YPEL2: variants seen among roughly 807,000 people sequenced by gnomAD.
YPEL2 encodes the protein protein yippee-like 2.
Under a neutral mutation model 19.1 loss-of-function variants are expected in YPEL2, and 2 were observed. That is an observed-to-expected ratio of 0.10 (90% confidence interval 0.04 to 0.33). The LOEUF (loss-of-function observed/expected upper bound fraction) is 0.33. Among genes scored for constraint, YPEL2 ranks in the 10% least tolerant of loss-of-function variants. The pLI is 1.00. For synonymous variants in YPEL2, 52 were observed against 50.0 expected (o/e 1.04, Z -0.17); for missense variants, 66 against 140.7 (o/e 0.47, Z 2.68).
chr17:59,372,010 T>C (rs1487472454), intron 2 of YPEL2, among the ~76,000 whole-genome samples: 1 of 152,138 alleles, frequency 6.6e-6, no homozygotes, highest in African/African-American at 2.4e-5. Context: ...GCTATAGGAA[T>C]TATTACATTA....
rs141421641 is a variant in YPEL2, at chr17:59,388,862, G to C, written c.161+492G>C. On this transcript the variant is annotated intron_variant, in intron 3 of 4. Coordinates refer to ENST00000312655, the MANE Select transcript of YPEL2 (RefSeq NM_001005404.4). ...GAAGCCTACATAAGCCTGATAAACT[G>C]TAAAAATGAAAATCTGGCCTGTGGC... is the stretch of plus-strand genomic sequence containing the variant. The C allele has an allele frequency of 3.2e-4, 61 of 189,746 alleles. 2 individuals are homozygous for C. In the East Asian group the frequency reaches 7.9e-3, roughly 25 times the overall value. The allele number at this position is 189,746 out of a possible 1,614,324, so 11.8% of individuals were successfully genotyped here.
At chr17:59,361,233 A>G (rs948424584) in intron 2 of YPEL2, among the ~76,000 whole-genome samples, 2 of 152,210 alleles carry the variant, frequency 1.3e-5, no homozygotes, top group African/African-American at 4.8e-5. Flanking sequence ...GACTGTGCCT[A>G]TACTTGCTCT....
intron 2 of YPEL2, among the ~76,000 whole-genome samples, chr17:59,368,243 C>T (rs2047880357): frequency 6.6e-6 from 1 of 152,066 alleles, no homozygotes. Flanking sequence ...GCCACCATGT[C>T]CGGCTAATTT....
chr17:59,393,530 T>A lies in YPEL2; in HGVS notation c.271-3571T>A, dbSNP rs184316879. 1.3e-4 allele frequency among the ~76,000 whole-genome samples: 19 copies of A among 150,314 alleles called. No individual in the cohort carries two copies. In the East Asian group the frequency reaches 3.7e-3, roughly 29 times the overall value. On this transcript the variant is annotated intron_variant, in intron 4 of 4. Transcript: ENST00000312655. ...TTTTATTTTATTTATTTATTTATTT[T>A]TTATTGATCATTCTTGGGTGTTTCT...
At chr17:59,346,217 G>A (rs901683025) in intron 1 of YPEL2, among the ~76,000 whole-genome samples, 1 of 152,228 alleles carries the variant, frequency 6.6e-6, no homozygotes, top group African/African-American at 2.4e-5. Flanking sequence ...AGCCAGGGCT[G>A]CTTTCATTCT....
rs1380543855 is a variant in YPEL2, at chr17:59,398,549, G to C, written c.*1359G>C. 1 of 152,128 alleles carries C rather than the reference G, an allele frequency of 6.6e-6. No individual in the cohort carries two copies. Among genetic ancestry groups the C allele is most frequent in the Non-Finnish European group, 1.5e-5 (1 of 68,038 alleles). The allele number at this position is 152,128 out of a possible 1,614,324, so 9.4% of individuals were successfully genotyped here. ...CCCCCATCCAAGCATCCTTCGATTAGGGAAGTGGAGAGCACATCCCTGTAA... is the reference window on the plus strand; with the variant it reads ...CCCCCATCCAAGCATCCTTCGATTACGGAAGTGGAGAGCACATCCCTGTAA... On this transcript the variant is annotated 3_prime_UTR_variant, in exon 5 of 5. Transcript: ENST00000312655.
At chr17:59,340,440 G>C (rs1438891815) in intron 1 of YPEL2, among the ~76,000 whole-genome samples, 1 of 145,998 alleles carries the variant, frequency 6.8e-6, no homozygotes, top group Non-Finnish European at 1.5e-5. Flanking sequence ...TTTTGAGACA[G>C]AGTCTTGCTC....
intron 1 of YPEL2, among the ~76,000 whole-genome samples, chr17:59,348,127 A>C (rs2047766081): frequency 6.6e-6 from 1 of 152,182 alleles, no homozygotes; most frequent in Non-Finnish European, 1.5e-5. Context: ...AACTTGCCAG[A>C]AGTCACGCAG....
intron 2 of YPEL2, among the ~76,000 whole-genome samples, chr17:59,359,659 TA>T (rs1487797312): frequency 6.6e-6 from 1 of 152,240 alleles, no homozygotes; most frequent in Non-Finnish European, 1.5e-5. Context: ...ATATATGACA[TA>T]ATGATTTTTA....
At chr17:59,384,667 G>A (rs138094537) in intron 2 of YPEL2, among the ~76,000 whole-genome samples, 187 of 152,292 alleles carry the variant, frequency 1.2e-3, no homozygotes, top group African/African-American at 3.0e-3. Flanking sequence ...AAGATAAAAT[G>A]TATAAAATGA....
chr17:59,358,907 C>CT (rs374051177), intron 2 of YPEL2, among the ~76,000 whole-genome samples: 1,998 of 137,860 alleles, frequency 0.014, 43 homozygotes, highest in African/African-American at 0.048. Flanking sequence ...TGCACCTGGC[C>CT]TTTTTTTTTT....
chr17:59,385,884 T>G lies in YPEL2; in HGVS notation c.118-2443T>G, dbSNP rs2047977422. Among the ~76,000 whole-genome samples the G allele has an allele frequency of 2.0e-5, 3 of 152,236 alleles. No homozygotes were observed. In the South Asian group the frequency reaches 6.2e-4, roughly 31 times the overall value. On this transcript the variant is annotated intron_variant, in intron 2 of 4. Coordinates refer to ENST00000312655, the MANE Select transcript of YPEL2 (RefSeq NM_001005404.4). ...TGACTCAGAATATTTAATAAATGAC[T>G]ACTGTGTGCCAGATGCACATTCTTA...
At chr17:59,359,080 C>T (rs1482529025) in intron 2 of YPEL2, among the ~76,000 whole-genome samples, 1 of 152,030 alleles carries the variant, frequency 6.6e-6, no homozygotes, top group Non-Finnish European at 1.5e-5. Flanking sequence ...CACATAACCA[C>T]ACCTGGCTAA....
intron 2 of YPEL2, among the ~76,000 whole-genome samples, chr17:59,378,213 T>C (rs1040295324): frequency 2.0e-5 from 3 of 152,096 alleles, no homozygotes; most frequent in African/African-American, 7.2e-5. Context: ...AGTGGCTTAG[T>C]TCCCCCAAAA....
rs117734127 is a variant in YPEL2, at chr17:59,363,599, C to T, written c.117+10073C>T. Reference sequence around the variant, plus strand: ...AAATGCTGGGATTACAGGCATGAGCCGCCGCACCCAGCTGAACACTTTCCT... The same window carrying T: ...AAATGCTGGGATTACAGGCATGAGCTGCCGCACCCAGCTGAACACTTTCCT... On this transcript the variant is annotated intron_variant, in intron 2 of 4. Coordinates refer to ENST00000312655, the MANE Select transcript of YPEL2 (RefSeq NM_001005404.4). Among the ~76,000 whole-genome samples the T allele has an allele frequency of 9.0e-3, 1,374 of 152,348 alleles. 10 individuals are homozygous for T. Among genetic ancestry groups the T allele is most frequent in the Non-Finnish European group, 0.013 (914 of 68,022 alleles).
At chr17:59,377,630 A>C (rs1172473093) in intron 2 of YPEL2, among the ~76,000 whole-genome samples, 1 of 152,224 alleles carries the variant, frequency 6.6e-6, no homozygotes, top group Non-Finnish European at 1.5e-5. Context: ...TTACCTTGGC[A>C]TCTGCTGTTC....
At chr17:59,375,699 T>A (rs1160837667) in intron 2 of YPEL2, among the ~76,000 whole-genome samples, 2 of 152,248 alleles carry the variant, frequency 1.3e-5, no homozygotes, top group Non-Finnish European at 2.9e-5. Context: ...GTGGAGCAGA[T>A]AATCCTGAAA....
chr17:59,334,599 C>CACACAG (rs975918648), intron 1 of YPEL2, among the ~76,000 whole-genome samples: 1 of 151,948 alleles, frequency 6.6e-6, no homozygotes, highest in African/African-American at 2.4e-5. Flanking sequence ...CACACACACA[C>CACACAG]ACACACACGC....
At chr17:59,376,779 G>A (rs773807268) in intron 2 of YPEL2, among the ~76,000 whole-genome samples, 2 of 151,638 alleles carry the variant, frequency 1.3e-5, no homozygotes, top group Non-Finnish European at 2.9e-5. Flanking sequence ...TAATTTCACT[G>A]TAGTGATTGC....
Sources: gnomAD v4.1 joint callset for allele counts (sites outside exome capture counted in the v4.1 genomes callset) on GRCh38, gnomAD v4.1.1 for gene constraint, MANE v1.5 for transcripts, NCBI Gene and HGNC (gene_info 2026-07-23, HGNC 2026-07-21) for gene names.